Variants in PIK3C2G observed in about 807,000 individuals in gnomAD.
PIK3C2G encodes the protein phosphatidylinositol-4-phosphate 3-kinase catalytic subunit type 2 gamma, also known as phosphatidylinositol 3-kinase C2 domain-containing subunit gamma.
In PIK3C2G, 168 loss-of-function variants were observed where a neutral mutation model predicts 181.1. The ratio of observed to expected loss-of-function variants is 0.93; its 90% CI spans 0.82 to 1.05. The LOEUF (loss-of-function observed/expected upper bound fraction) is 1.05. Among genes scored for constraint, PIK3C2G ranks in the 50% least tolerant of loss-of-function variants. The pLI is 0.00. For synonymous variants in PIK3C2G, 573 were observed against 592.2 expected, an observed-to-expected ratio of 0.97 and a Z score of 0.47; for missense variants, 1,869 against 1,732.8, an observed-to-expected ratio of 1.08 and a Z score of -1.40.
chr12:18,696,322 C>CTATGTATATATATATATATATATA, the PIK3C2G span: 1 of 253,072 alleles, frequency 4.0e-6, no homozygotes, highest in Non-Finnish European at 6.8e-6. Flanking sequence ...TAAAAAGCCA[C>CTATGTATATATATATATATATATA]TATATATATA....
At chr12:18,663,632 T>C in the PIK3C2G span, among the ~76,000 whole-genome samples, 2 of 151,560 alleles carry the variant, frequency 1.3e-5, no homozygotes, top group Non-Finnish European at 2.9e-5. Context: ...CAGCAAAAAC[T>C]GTAAAACTCT....
intron 18 of PIK3C2G, among the ~76,000 whole-genome samples, chr12:18,454,916 G>A (rs1057290572): frequency 6.6e-6 from 1 of 152,044 alleles, no homozygotes; most frequent in Non-Finnish European, 1.5e-5. Context: ...TATTTCTGTA[G>A]GTCAGGAATT....
intron 8 of PIK3C2G, among the ~76,000 whole-genome samples, chr12:18,332,870 G>A (rs919813083): frequency 2.6e-5 from 4 of 152,026 alleles, no homozygotes; most frequent in Admixed American, 6.6e-5. Flanking sequence ...CTGAGCCACC[G>A]AATATGACTT....
intron 5 of PIK3C2G, among the ~76,000 whole-genome samples, chr12:18,303,637 T>C (rs1347521113): frequency 2.0e-5 from 3 of 152,106 alleles, no homozygotes; most frequent in Non-Finnish European, 4.4e-5. Context: ...CTAAGTAATT[T>C]CTTATCTCAA....
chr12:18,422,553 T>C (rs1436931801), intron 17 of PIK3C2G, among the ~76,000 whole-genome samples: 2 of 151,686 alleles, frequency 1.3e-5, no homozygotes, highest in African/African-American at 2.4e-5. Flanking sequence ...TAGCTAAGAG[T>C]CAAATAAGAC....
chr12:18,576,288 C>T (rs549455247), intron 29 of PIK3C2G, among the ~76,000 whole-genome samples: 26 of 152,150 alleles, frequency 1.7e-4, no homozygotes, highest in Non-Finnish European at 2.9e-4. Context: ...TCTTCACTGC[C>T]AGCTCTGGGG....
upstream of PIK3C2G, among the ~76,000 whole-genome samples, chr12:18,260,154 C>G (rs1227984443): frequency 6.7e-6 from 1 of 150,154 alleles, no homozygotes; most frequent in Non-Finnish European, 1.5e-5. Context: ...CAGTCCAGCT[C>G]TCATAAGTCC....
chr12:18,669,663 C>CT, the PIK3C2G span, among the ~76,000 whole-genome samples: 1 of 148,550 alleles, frequency 6.7e-6, no homozygotes, highest in Non-Finnish European at 1.5e-5. Flanking sequence ...GTCTCTTCCT[C>CT]TCTTTTTTTT....
At chr12:18,285,967 G>A (rs867629275) in intron 2 of PIK3C2G, among the ~76,000 whole-genome samples, 15 of 151,752 alleles carry the variant, frequency 9.9e-5, no homozygotes, top group African/African-American at 3.6e-4. Context: ...CAAAGGCAGA[G>A]ATAGATTGAA....
At chr12:18,556,394 G>C (rs1411693117) in intron 26 of PIK3C2G, among the ~76,000 whole-genome samples, 1 of 152,082 alleles carries the variant, frequency 6.6e-6, no homozygotes, top group African/African-American at 2.4e-5. Flanking sequence ...GTGAAAGTCT[G>C]CCCCCAAACC....
rs534061962 is a variant in PIK3C2G at position 18,252,474 on chromosome 12, C to A, written c.-79+4392C>A. ...CACCTGTAATAAAAGATTAACAAAA[C>A]GCATATAAATGTATTGAATAAAAGT... On this transcript the variant is annotated intron_variant, in intron 1 of 11. Transcript: ENST00000535651. Among the ~76,000 whole-genome samples, 5 of 152,212 alleles carry A rather than the reference C, an allele frequency of 3.3e-5. No homozygotes were observed. The South Asian group carries it at 1.0e-3, about 32-fold the overall frequency.
chr12:18,657,357 A>G, the PIK3C2G span, among the ~76,000 whole-genome samples: 1 of 152,138 alleles, frequency 6.6e-6, no homozygotes, highest in African/African-American at 2.4e-5. Context: ...GATCATATTC[A>G]GAAAATACCT....
the PIK3C2G span, among the ~76,000 whole-genome samples, chr12:18,682,636 A>G: frequency 2.6e-5 from 4 of 152,052 alleles, no homozygotes; most frequent in African/African-American, 9.7e-5. Flanking sequence ...CACACAGTAG[A>G]TCTCTTTTAT....
At chr12:18,607,242 G>A in intron 30 of PIK3C2G, 1 of 493,084 alleles carries the variant, frequency 2.0e-6, no homozygotes, top group Non-Finnish European at 4.0e-6. Context: ...AATAATATGA[G>A]AAACTACTAG....
chr12:18,421,046 A>T lies in PIK3C2G; in HGVS notation c.2409+12A>T. The stretch of plus-strand genomic sequence containing the variant: ...CACAGCTAGTTCAGGTAAGAATAGA[A>T]GAGTTGCTAAGGAAACCCAGGGTTT... On this transcript the variant is annotated intron_variant, in intron 17 of 32. Coordinates refer to ENST00000538779, the MANE Select transcript of PIK3C2G (RefSeq NM_001288772.2). 7.1e-7 allele frequency: 1 copy of T among 1,399,288 alleles called. No homozygotes were observed. The highest frequency in any genetic ancestry group is 1.0e-6 in the Non-Finnish European group (1 of 985,986). 86.7% of individuals were successfully genotyped at this position (1,399,288 alleles called of 1,614,324 possible).
At chr12:18,621,377 C>T (rs1192980091) in intron 31 of PIK3C2G, among the ~76,000 whole-genome samples, 1 of 151,852 alleles carries the variant, frequency 6.6e-6, no homozygotes, top group Non-Finnish European at 1.5e-5. Flanking sequence ...CTTCAGAAGA[C>T]ACTTCAGTGA....
rs780601696 is a variant in PIK3C2G, at chr12:18,286,897, G to C, written c.729G>C (p.Thr243=). Residue 243 remains threonine (T), a synonymous_variant, in exon 3 of 33, where the codon ACG becomes ACC. Coordinates refer to ENST00000538779, the MANE Select transcript of PIK3C2G (RefSeq NM_001288772.2). ...TGGAAGTACCTCAAAGCAGCAATAC[G>C]AGTCTGGCCTCTTTTTGCAACAAAG... ...QLVEVPQSSN[T]SLASFCNKVK... 8.9e-6 allele frequency: 14 copies of C among 1,573,564 alleles called. No homozygotes were observed. The South Asian group carries it at 1.7e-4, about 19-fold the overall frequency.
rs758079876 is a variant in PIK3C2G at position 18,566,993 on chromosome 12, G to A, written c.3947G>A (p.Arg1316Lys). The A allele has an allele frequency of 1.3e-6, 2 of 1,600,000 alleles. No individual in the cohort carries two copies. The highest frequency in any genetic ancestry group is 1.7e-5 in the Admixed American group (1 of 59,920). ...CTACCTTTTACAAATTCAGATCACA[G>A]AAGATTCAGAGATCTAAATCATTAC... ...WHLPFTNSDH[R>K]RFRDLNHYME... Residue 1316 changes from arginine to lysine, a missense_variant, in exon 29 of 33, where the codon AGA becomes AAA. Coordinates refer to ENST00000538779, the MANE Select transcript of PIK3C2G (RefSeq NM_001288772.2).
At chr12:18,717,187 T>G in the PIK3C2G span, among the ~76,000 whole-genome samples, 3 of 152,084 alleles carry the variant, frequency 2.0e-5, no homozygotes, top group Admixed American at 6.6e-5. Flanking sequence ...GTAAAAGTAA[T>G]TATATATATT....
Sources: gnomAD v4.1 joint callset for allele counts (sites outside exome capture counted in the v4.1 genomes callset) on GRCh38, gnomAD v4.1.1 for gene constraint, MANE v1.5 for transcripts, NCBI Gene and HGNC (gene_info 2026-07-23, HGNC 2026-07-21) for gene names.